Variants in PRKDC observed in about 807,000 individuals in gnomAD.
PRKDC encodes protein kinase, DNA-activated, catalytic subunit.
Under a neutral mutation model 486.9 loss-of-function variants are expected in PRKDC, and 82 were observed. The ratio of observed to expected loss-of-function variants is 0.17; its 90% CI spans 0.14 to 0.20. The LOEUF (loss-of-function observed/expected upper bound fraction) is 0.20, where lower values mean the gene tolerates loss of function less well. Ranked by LOEUF, PRKDC falls within the 10% of genes least tolerant of loss-of-function variation. The probability of loss-of-function intolerance (pLI) is 1.00; values close to 1 mark genes in which losing one functional copy is unlikely to be tolerated. For synonymous variants in PRKDC, 1,895 were observed against 1,837.0 expected (o/e 1.03, Z -0.81); for missense variants, 4,504 against 5,038.2 (o/e 0.89, Z 3.21).
At chr8:47,821,926 GA>G (rs1434305520) in intron 64 of PRKDC, 134 bp from the exon 65 acceptor site, 17 of 879,254 alleles carry the variant, frequency 1.9e-5, no homozygotes, top group Admixed American at 3.4e-5. Flanking sequence ...AGAGAAAAGA[GA>G]AGCTATTCAG....
chr8:47,849,907 T>A (rs2088363005), intron 52 of PRKDC, among the ~76,000 whole-genome samples: 1 of 152,232 alleles, frequency 6.6e-6, no homozygotes, highest in African/African-American at 2.4e-5. Flanking sequence ...GTGTTCAGAT[T>A]TCTGATAAAA....
rs1161191961 is a variant in PRKDC at position 47,893,265 on chromosome 8, G to A, written c.3721C>T (p.Leu1241Phe). ...CTGAATGGCCCCCGAAGGTACAAGAGGGTGGGCTGGGCCAGGATGCCCGAG... is the reference window on the plus strand; with the variant it reads ...CTGAATGGCCCCCGAAGGTACAAGAAGGTGGGCTGGGCCAGGATGCCCGAG... ...QPSGILAQPT[L>F]LYLRGPFSLQ... Residue 1241 changes from leucine to phenylalanine, a missense_variant, in exon 31 of 86, where the codon CTC becomes TTC. Physicochemically the swap from Leu to Phe is conservative, Grantham distance 22. This residue lies in a region of PRKDC where 1,969 missense variants were observed against 2,068.9 expected (regional missense o/e 0.95). Transcript: ENST00000314191. 7 of 1,612,244 alleles carry A rather than the reference G, an allele frequency of 4.3e-6. No homozygotes were observed. The highest frequency in any genetic ancestry group is 5.1e-6 in the Non-Finnish European group (6 of 1,179,036).
Position 47,886,011 on chromosome 8 carries a change from T to C in PRKDC, c.4709A>G (p.Glu1570Gly). The change falls in exon 36 of 86, where the codon GAA (glutamate) becomes GGA (glycine). Residue 1570 changes from glutamate (E) to glycine (G), a missense_variant. By Grantham distance (98) the Glu-to-Gly change is moderately conservative. Transcript: ENST00000314191. The part of the protein sequence containing the change: ...YSLFSETINT[E>G]LLKNLDLAVL... Reference sequence around the variant, plus strand: ...AGCAAGATCCAGATTTTTCAATAATTCCGTGTTGATCGTTTCTGAGAACAA... The same window carrying C: ...AGCAAGATCCAGATTTTTCAATAATCCCGTGTTGATCGTTTCTGAGAACAA... The C allele has an allele frequency of 6.2e-7, 1 of 1,613,908 alleles. No individual in the cohort carries two copies. The highest frequency in any genetic ancestry group is 8.5e-7 in the Non-Finnish European group (1 of 1,179,886).
intron 21 of PRKDC, among the ~76,000 whole-genome samples, chr8:47,919,876 C>T (rs555914109): frequency 5.3e-5 from 8 of 152,044 alleles, no homozygotes; most frequent in African/African-American, 7.2e-5. Flanking sequence ...TGCAGCACTG[C>T]GACATGTTCG....
intron 40 of PRKDC, among the ~76,000 whole-genome samples, chr8:47,868,972 A>G (rs1047696594): frequency 6.6e-6 from 1 of 152,166 alleles, no homozygotes; most frequent in African/African-American, 2.4e-5. Context: ...CTGGGAGAAC[A>G]TTTAGACCAG....
chr8:47,869,963 G>A (rs1204055740), intron 40 of PRKDC, among the ~76,000 whole-genome samples: 1 of 152,204 alleles, frequency 6.6e-6, no homozygotes, highest in African/African-American at 2.4e-5. Flanking sequence ...GGAAAGGAGA[G>A]GGAAGAATGA....
chr8:47,776,728 A>T, intron 85 of PRKDC, 116 bp downstream of exon 85: 1 of 1,348,782 alleles, frequency 7.4e-7, no homozygotes, highest in Non-Finnish European at 1.0e-6. Flanking sequence ...CAATGAAAGC[A>T]GAGAAGTCAT....
At chr8:47,818,964 C>G in intron 67 of PRKDC, among the ~76,000 whole-genome samples, 1 of 152,200 alleles carries the variant, frequency 6.6e-6, no homozygotes, top group East Asian at 1.9e-4. Flanking sequence ...CCGCAGCCTT[C>G]CTGCCCTCCC....
intron 31 of PRKDC, among the ~76,000 whole-genome samples, chr8:47,891,295 C>T (rs984991796): frequency 3.3e-5 from 5 of 152,156 alleles, no homozygotes; most frequent in Non-Finnish European, 5.9e-5. Flanking sequence ...TTTTGTAAGT[C>T]TCATGGTTTC....
At chr8:47,828,816 A>G (rs568985391) in intron 61 of PRKDC, among the ~76,000 whole-genome samples, 1 of 152,364 alleles carries the variant, frequency 6.6e-6, no homozygotes, top group Admixed American at 6.5e-5. Flanking sequence ...ATAACTGATG[A>G]GCTTAAATAA....
At chr8:47,820,966 T>C (rs760715106) in intron 65 of PRKDC, 23 bp from the exon 66 acceptor site, 33 of 1,469,008 alleles carry the variant, frequency 2.2e-5, no homozygotes, top group Non-Finnish European at 2.8e-5. Flanking sequence ...AAAATATACT[T>C]GTAACTACAG....
chr8:47,808,748 C>T (rs1235025606), intron 68 of PRKDC, among the ~76,000 whole-genome samples: 1 of 152,172 alleles, frequency 6.6e-6, no homozygotes, highest in African/African-American at 2.4e-5. Flanking sequence ...ATACAAAGCT[C>T]ATCCCTGATC....
chr8:47,822,097 A>G (rs1238307343), intron 64 of PRKDC, among the ~76,000 whole-genome samples: 3 of 152,160 alleles, frequency 2.0e-5, no homozygotes, highest in Non-Finnish European at 4.4e-5. Context: ...AGCCTAGGCA[A>G]CATGGCCTAC....
intron 74 of PRKDC, among the ~76,000 whole-genome samples, chr8:47,791,790 T>C (rs1563736179): frequency 1.3e-5 from 2 of 152,116 alleles, no homozygotes; most frequent in Admixed American, 6.6e-5. Context: ...AAGAACACTA[T>C]GGAGATTCCT....
Position 47,862,490 on chromosome 8 carries a change from C to T in PRKDC, c.5802G>A (p.Leu1934=). 1 of 1,613,768 alleles carries T rather than the reference C, an allele frequency of 6.2e-7. No homozygotes were observed. The highest frequency in any genetic ancestry group is 8.5e-7 in the Non-Finnish European group (1 of 1,179,744). ...CACAATGGTAAAGTCTTCTCCTCTC[C>T]AGCAGCTGATTCTCTCCTGCCATGT... ...TENMAGENQL[L]ERRRLYHCAA... Residue 1934 remains leucine, a synonymous_variant, in exon 43 of 86, where the codon CTG becomes CTA. Transcript: ENST00000314191.
intron 72 of PRKDC, among the ~76,000 whole-genome samples, chr8:47,798,800 G>C (rs1023993814): frequency 4.6e-5 from 7 of 152,108 alleles, no homozygotes; most frequent in African/African-American, 1.7e-4. Flanking sequence ...TGCTTAGAGA[G>C]GCCATTGTCT....
intron 11 of PRKDC, among the ~76,000 whole-genome samples, 152 bp from the exon 12 acceptor site, chr8:47,936,669 T>C (rs966317652): frequency 2.6e-5 from 4 of 151,732 alleles, no homozygotes; most frequent in African/African-American, 9.7e-5. Context: ...CAGGCTGGAG[T>C]GCAATGGCGT....
intron 67 of PRKDC, among the ~76,000 whole-genome samples, chr8:47,817,850 T>C (rs1230076516): frequency 6.6e-6 from 1 of 152,238 alleles, no homozygotes; most frequent in African/African-American, 2.4e-5. Context: ...TAAAAAGCAC[T>C]GATAACTAAA....
intron 16 of PRKDC, 51 bp from the exon 17 acceptor site, chr8:47,930,838 A>T: frequency 1.3e-6 from 2 of 1,484,884 alleles, no homozygotes; most frequent in Non-Finnish European, 1.8e-6. Flanking sequence ...ATCACGAATC[A>T]CTCAACAAAT....
Sources: allele counts gnomAD v4.1 joint callset (sites outside exome capture counted in the v4.1 genomes callset), GRCh38; gene constraint gnomAD v4.1.1; regional missense constraint gnomAD v4.1.1; transcripts MANE v1.5; gene names NCBI Gene and HGNC (gene_info 2026-07-23, HGNC 2026-07-21).